GPHN: variants seen among roughly 807,000 people sequenced by gnomAD.
The protein encoded by GPHN is gephyrin.
GPHN carries 17 observed loss-of-function variants against 95.5 expected under a neutral mutation model. The ratio of observed to expected loss-of-function variants is 0.18; its 90% CI spans 0.12 to 0.27. The LOEUF is 0.27. Among genes scored for constraint, GPHN ranks in the 10% least tolerant of loss-of-function variants. GPHN has a pLI of 1.00. For synonymous variants in GPHN, 320 were observed against 322.5 expected, an observed-to-expected ratio of 0.99 and a Z score of 0.08; for missense variants, 660 against 978.1, an observed-to-expected ratio of 0.67 and a Z score of 4.34.
At chr14:66,812,520 A>T (rs1301741063) in intron 3 of GPHN, among the ~76,000 whole-genome samples, 1 of 152,198 alleles carries the variant, frequency 6.6e-6, no homozygotes, top group African/African-American at 2.4e-5. Context: ...CTATAATCAT[A>T]ATCAAGCAGT....
the GPHN span, among the ~76,000 whole-genome samples, chr14:67,358,735 G>A: frequency 2.6e-5 from 4 of 152,174 alleles, no homozygotes; most frequent in Non-Finnish European, 5.9e-5. Context: ...TAAACAGGAT[G>A]AGGAGGAGAA....
chr14:67,338,453 TA>T, the GPHN span: 1 of 714,036 alleles, frequency 1.4e-6, no homozygotes, highest in Non-Finnish European at 2.2e-6. Context: ...AAATGGTTGC[TA>T]AATTATGATT....
the GPHN span, among the ~76,000 whole-genome samples, chr14:67,372,561 T>G: frequency 6.6e-6 from 1 of 152,198 alleles, no homozygotes; most frequent in Non-Finnish European, 1.5e-5. Flanking sequence ...CTGGGAGCGG[T>G]GGCTCACGCC....
the GPHN span, among the ~76,000 whole-genome samples, chr14:67,285,541 G>A: frequency 1.3e-5 from 2 of 151,684 alleles, no homozygotes; most frequent in African/African-American, 4.8e-5. Flanking sequence ...TAATTTTTTT[G>A]TATGTTTTTA....
At chr14:67,382,469 G>A in the GPHN span, 36 of 1,613,020 alleles carry the variant, frequency 2.2e-5, no homozygotes, top group Non-Finnish European at 2.8e-5. Flanking sequence ...GCTCCTCCTC[G>A]GTATGTAATG....
intron 17 of GPHN, among the ~76,000 whole-genome samples, chr14:67,142,231 A>C (rs1952337): frequency 0.52 from 78,760 of 152,074 alleles, 23,466 homozygotes; most frequent in African/African-American, 0.82. Context: ...CAAAAAGTAT[A>C]TTTTCTGTAC....
the GPHN span, chr14:67,733,723 T>C: frequency 6.6e-7 from 1 of 1,520,678 alleles, no homozygotes; most frequent in South Asian, 1.1e-5. Flanking sequence ...TCCTGGAATT[T>C]ACTGTCTTTC....
At chr14:66,914,008 G>A (rs753142958) in intron 5 of GPHN, among the ~76,000 whole-genome samples, 13 of 151,952 alleles carry the variant, frequency 8.6e-5, no homozygotes, top group African/African-American at 1.9e-4. Flanking sequence ...TCAGGGAAAT[G>A]AGAAAGAATA....
At chr14:66,750,908 T>C (rs1233701474) in intron 2 of GPHN, among the ~76,000 whole-genome samples, 2 of 151,966 alleles carry the variant, frequency 1.3e-5, no homozygotes, top group Non-Finnish European at 2.9e-5. Flanking sequence ...TTTGTACTGC[T>C]GGGATATCAT....
intron 5 of GPHN, among the ~76,000 whole-genome samples, chr14:66,906,875 T>C (rs1159416415): frequency 6.6e-6 from 1 of 152,222 alleles, no homozygotes; most frequent in Non-Finnish European, 1.5e-5. Flanking sequence ...TGTTTAGGTT[T>C]ATTTTTATGG....
chr14:67,057,416 G>A (rs760543463), intron 10 of GPHN, among the ~76,000 whole-genome samples: 2 of 151,054 alleles, frequency 1.3e-5, no homozygotes, highest in Non-Finnish European at 2.9e-5. Flanking sequence ...ATGGGTGGGG[G>A]GGGCAACAGC....
chr14:67,131,164 A>G (rs2079679663), intron 17 of GPHN, among the ~76,000 whole-genome samples: 1 of 151,420 alleles, frequency 6.6e-6, no homozygotes, highest in Non-Finnish European at 1.5e-5. Flanking sequence ...TTAGTAAGAT[A>G]TTGGTCATTT....
the GPHN span, among the ~76,000 whole-genome samples, chr14:67,661,027 A>G: frequency 6.6e-6 from 1 of 152,140 alleles, no homozygotes; most frequent in Non-Finnish European, 1.5e-5. Flanking sequence ...AAGGATGCAG[A>G]TGTGCTTCCT....
Position 66,945,140 on chromosome 14 carries a change from T to C in GPHN, c.829-20051T>C, listed in dbSNP as rs555212724. 3.3e-5 allele frequency among the ~76,000 whole-genome samples: 5 copies of C among 152,234 alleles called. No homozygotes were observed. In the East Asian group the frequency reaches 9.6e-4, roughly 29 times the overall value. On this transcript the variant is annotated intron_variant, in intron 8 of 22. Transcript: ENST00000478722. ...ACACAACAGGGATAATTTAGTTGCA[T>C]GGACACATTATAGGATGAGTAGAAC...
At chr14:67,283,536 ATT>A in the GPHN span, among the ~76,000 whole-genome samples, 3 of 152,288 alleles carry the variant, frequency 2.0e-5, no homozygotes, top group Admixed American at 2.0e-4. Context: ...TTACTATCAA[ATT>A]TTTGTTTAGC....
chr14:66,697,663 C>CT (rs762556511), intron 2 of GPHN, among the ~76,000 whole-genome samples: 85 of 136,262 alleles, frequency 6.2e-4, no homozygotes, highest in Non-Finnish European at 9.5e-4. Flanking sequence ...TGCTACTTGC[C>CT]TTTTTTTTTT....
the GPHN span, among the ~76,000 whole-genome samples, chr14:67,710,270 T>G: frequency 6.6e-6 from 1 of 152,248 alleles, no homozygotes; most frequent in African/African-American, 2.4e-5. Context: ...AACTGAGACC[T>G]GTCTGAGATT....
At chr14:66,547,184 T>C (rs1270048599) in intron 1 of GPHN, among the ~76,000 whole-genome samples, 1 of 152,180 alleles carries the variant, frequency 6.6e-6, no homozygotes, top group African/African-American at 2.4e-5. Flanking sequence ...TCTTAGCTTT[T>C]TGTAGATGGG....
At chr14:67,049,939 A>G (rs1454625098) in intron 10 of GPHN, among the ~76,000 whole-genome samples, 2 of 152,176 alleles carry the variant, frequency 1.3e-5, no homozygotes, top group East Asian at 1.9e-4. Flanking sequence ...ACGCACACAC[A>G]TGCATGCACA....
Sources: gnomAD v4.1 joint callset for allele counts (sites outside exome capture counted in the v4.1 genomes callset) on GRCh38, gnomAD v4.1.1 for gene constraint, MANE v1.5 for transcripts, NCBI Gene and HGNC (gene_info 2026-07-23, HGNC 2026-07-21) for gene names.